Variants in YY1 observed in about 807,000 individuals in gnomAD.
YY1 encodes the protein transcriptional repressor protein YY1.
Under a neutral mutation model 35.6 loss-of-function variants are expected in YY1, and 2 were observed. The observed-to-expected ratio is 0.06, with a 90% CI of 0.02 to 0.18. YY1 has a LOEUF of 0.18. YY1 is among the 10% of genes least tolerant of loss of function. The pLI, the probability that YY1 is intolerant of heterozygous loss-of-function variation, is 1.00. For missense variants in YY1, 322 were observed against 573.4 expected (o/e 0.56, Z 4.48); for synonymous variants, 268 against 238.9 (o/e 1.12, Z -1.12).
chr14:100,258,961 G>A (rs756997146), intron 1 of YY1, among the ~76,000 whole-genome samples: 1 of 152,218 alleles, frequency 6.6e-6, no homozygotes, highest in Non-Finnish European at 1.5e-5. Flanking sequence ...AAAGCTGTGT[G>A]CTAAGCAGTT....
intron 2 of YY1, chr14:100,263,997 G>A (rs140212387): frequency 0.049 from 7,399 of 152,152 alleles, 205 homozygotes; most frequent in African/African-American, 0.061. Flanking sequence ...CTACAGGTGT[G>A]TGCCACCATG....
At chr14:100,252,776 A>G (rs1314828954) in intron 1 of YY1, among the ~76,000 whole-genome samples, 1 of 152,114 alleles carries the variant, frequency 6.6e-6, no homozygotes, top group Non-Finnish European at 1.5e-5. Flanking sequence ...GGTGGCTCAC[A>G]CCTCTAACCC....
At chr14:100,269,452 A>G (rs879554296) in intron 2 of YY1, among the ~76,000 whole-genome samples, 4 of 152,124 alleles carry the variant, frequency 2.6e-5, no homozygotes, top group Non-Finnish European at 4.4e-5. Flanking sequence ...TCCAGGTTCA[A>G]AAGGACTCTC....
chr14:100,275,379 T>G (rs1411478040), intron 3 of YY1, among the ~76,000 whole-genome samples: 1 of 152,178 alleles, frequency 6.6e-6, no homozygotes, highest in Non-Finnish European at 1.5e-5. Flanking sequence ...GCAGGCTACA[T>G]TTAGTTTCAC....
intron 1 of YY1, among the ~76,000 whole-genome samples, chr14:100,247,542 G>A (rs1005501683): frequency 6.6e-6 from 1 of 151,978 alleles, no homozygotes. Flanking sequence ...CACCAGGCAT[G>A]GCTAATTTTT....
intron 1 of YY1, among the ~76,000 whole-genome samples, chr14:100,247,073 C>T (rs1030384137): frequency 6.6e-6 from 1 of 152,214 alleles, no homozygotes. Context: ...GGTTCCTGTC[C>T]TATCTACAGT....
chr14:100,255,132 T>C (rs1040893527), intron 1 of YY1, among the ~76,000 whole-genome samples: 1 of 151,776 alleles, frequency 6.6e-6, no homozygotes, highest in Non-Finnish European at 1.5e-5. Context: ...TCACAATTTC[T>C]GTGCAGTGGT....
Position 100,276,901 on chromosome 14 carries a change from A to G in YY1, c.1062+253A>G. ...GGAGTACACTTTATGGCAGGAGGAG[A>G]ACAGGATTGAAGAGCATACCTAAAA... is the stretch of plus-strand genomic sequence containing the variant. On this transcript the variant is annotated intron_variant, in intron 4 of 4. Transcript: ENST00000262238. The surrounding 1 kb of genome is among the most constrained non-coding windows in gnomAD (Gnocchi z 4.1). The G allele has an allele frequency of 1.8e-6, 1 of 546,094 alleles. No individual in the cohort carries two copies. Among genetic ancestry groups the G allele is most frequent in the Non-Finnish European group, 3.3e-6 (1 of 305,232 alleles). 33.8% of individuals were successfully genotyped at this position (546,094 alleles called of 1,614,324 possible).
At chr14:100,264,657 T>C (rs185855916) in intron 2 of YY1, among the ~76,000 whole-genome samples, 33 of 152,200 alleles carry the variant, frequency 2.2e-4, no homozygotes, top group African/African-American at 7.2e-4. Context: ...GAAGGGGCTG[T>C]GTGAGTAGAG....
In YY1 at chr14:100,239,818, G is replaced by T; in HGVS notation, c.574G>T (p.Ala192Ser). The T allele has an allele frequency of 1.4e-6, 2 of 1,477,196 alleles. No homozygotes were observed. Among genetic ancestry groups the T allele is most frequent in the South Asian group, 1.4e-5 (1 of 72,372 alleles). The allele number at this position is 1,477,196 out of a possible 1,614,324, so 91.5% of individuals were successfully genotyped here. A position where few individuals can be genotyped will look rare whatever the true frequency, so the allele number is the denominator to read the frequency against. Residue 192 changes from alanine (A) to serine (S), a missense_variant, in exon 1 of 5, where the codon GCG becomes TCG. This residue lies in a region of YY1 where 152 missense variants were observed against 167.1 expected (regional missense o/e 0.91). Coordinates refer to ENST00000262238, the MANE Select transcript of YY1 (RefSeq NM_003403.5). ...GAGTTACCTCAGCGGCGGGGCCGGC[G>T]CGGCGGGCGGCGGCGGCGCCGACCC... ...KKSYLSGGAG[A>S]AGGGGADPGN...
intron 1 of YY1, among the ~76,000 whole-genome samples, chr14:100,244,573 C>G (rs1021691302): frequency 6.7e-6 from 1 of 150,320 alleles, no homozygotes; most frequent in Non-Finnish European, 1.5e-5. Context: ...CTGCCCGCCC[C>G]ACTCCCCACC....
At chr14:100,250,215 G>T (rs1463447214) in intron 1 of YY1, among the ~76,000 whole-genome samples, 2 of 152,184 alleles carry the variant, frequency 1.3e-5, no homozygotes, top group African/African-American at 4.8e-5. Context: ...CTTAATAAAG[G>T]ATAGTATCCT....
Position 100,239,757 on chromosome 14 carries a change from C to T in YY1, c.513C>T (p.Arg171=), listed in dbSNP as rs939591155. The T allele has an allele frequency of 1.3e-6, 2 of 1,580,658 alleles. No homozygotes were observed. The highest frequency in any genetic ancestry group is 1.7e-4 in the Middle Eastern group (1 of 5,758). ...GCTCGTCGTCGTCGGGAGGCGGCCG[C>T]GTCAAGAAGGGCGGCGGCAAGAAGA... ...GGGSSSSGGG[R]VKKGGGKKSG... The change falls in exon 1 of 5, where the codon CGC becomes CGT. Residue 171 remains arginine, a synonymous_variant. Transcript: ENST00000262238.
At chr14:100,249,143 A>C (rs1215768013) in intron 1 of YY1, among the ~76,000 whole-genome samples, 1 of 62,390 alleles carries the variant, frequency 1.6e-5, no homozygotes, top group Non-Finnish European at 2.9e-5. Flanking sequence ...TTTGGGAGAC[A>C]GAGTTTTGCT....
intron 1 of YY1, among the ~76,000 whole-genome samples, chr14:100,256,972 T>C (rs1467977775): frequency 2.0e-5 from 3 of 152,180 alleles, no homozygotes; most frequent in Non-Finnish European, 4.4e-5. Context: ...GCGTCTACTT[T>C]AGGCTTCTTT....
chr14:100,249,876 C>A (rs1467221941), intron 1 of YY1, among the ~76,000 whole-genome samples: 1 of 151,844 alleles, frequency 6.6e-6, no homozygotes, highest in Non-Finnish European at 1.5e-5. Context: ...CAGGTTCAAG[C>A]AATTCTCCTA....
chr14:100,245,751 C>T (rs906657762), intron 1 of YY1, among the ~76,000 whole-genome samples: 2 of 152,084 alleles, frequency 1.3e-5, no homozygotes, highest in Admixed American at 6.6e-5. Context: ...GGATTACAGA[C>T]GTGTGCCACC....
intron 1 of YY1, among the ~76,000 whole-genome samples, chr14:100,253,254 T>C (rs1366958415): frequency 6.6e-6 from 1 of 152,206 alleles, no homozygotes; most frequent in Non-Finnish European, 1.5e-5. Flanking sequence ...ACATTTGATA[T>C]TACCCCATCG....
chr14:100,264,665 G>C (rs966820922), intron 2 of YY1, among the ~76,000 whole-genome samples: 3 of 152,210 alleles, frequency 2.0e-5, no homozygotes, highest in African/African-American at 7.2e-5. Flanking sequence ...TGTGTGAGTA[G>C]AGCGTTAACT....
Sources: allele counts gnomAD v4.1 joint callset (sites outside exome capture counted in the v4.1 genomes callset), GRCh38; gene constraint gnomAD v4.1.1; regional missense constraint gnomAD v4.1.1; non-coding constraint Gnocchi (gnomAD v3.1); transcripts MANE v1.5; gene names NCBI Gene and HGNC (gene_info 2026-07-23, HGNC 2026-07-21).